CYB5A: variants seen among roughly 807,000 people sequenced by gnomAD.
CYB5A encodes the protein cytochrome b5 type A, also known as cytochrome b5.
CYB5A carries 10 observed loss-of-function variants against 16.2 expected under a neutral mutation model. That is an observed-to-expected ratio of 0.62 (90% CI 0.38 to 1.04). The LOEUF is 1.04. Among genes scored for constraint, CYB5A ranks in the 50% least tolerant of loss-of-function variants. The probability of loss-of-function intolerance (pLI) is 0.01; values close to 1 mark genes in which losing one functional copy is unlikely to be tolerated. For synonymous variants in CYB5A, 62 were observed against 57.0 expected (o/e 1.09, Z -0.40); for missense variants, 161 against 165.9 (o/e 0.97, Z 0.16).
intron 1 of CYB5A, among the ~76,000 whole-genome samples, chr18:74,268,163 G>T (rs1197211842): frequency 6.6e-6 from 1 of 152,254 alleles, no homozygotes; most frequent in Admixed American, 6.5e-5. Flanking sequence ...CCGGAGAGAT[G>T]AAACATGAAT....
At chr18:74,256,381 C>G in intron 3 of CYB5A, 1 of 180,730 alleles carries the variant, frequency 5.5e-6, no homozygotes, top group Non-Finnish European at 1.2e-5. Flanking sequence ...CCCGGCGTCA[C>G]ACTTGTCACC....
intron 1 of CYB5A, among the ~76,000 whole-genome samples, chr18:74,278,438 T>C (rs1319714247): frequency 1.3e-5 from 2 of 152,234 alleles, no homozygotes; most frequent in East Asian, 1.9e-4. Context: ...CATTTTATAT[T>C]GCCACAGAGA....
chr18:74,253,091 A>G lies in CYB5A; in HGVS notation c.*493T>C, dbSNP rs1219354519. On this transcript the variant is annotated 3_prime_UTR_variant, in exon 5 of 5. Transcript: ENST00000340533. ...TCTGGCCTTTCTTAATTTCCTTGAA[A>G]AAAAGAAACTATATCGGAAGCATAC... is the stretch of plus-strand genomic sequence containing the variant. 1 of 157,046 alleles carries G rather than the reference A, an allele frequency of 6.4e-6. No individual in the cohort carries two copies. The highest frequency in any genetic ancestry group is 1.4e-5 in the Non-Finnish European group (1 of 71,132). 9.7% of individuals were successfully genotyped at this position (157,046 alleles called of 1,614,324 possible). A position where few individuals can be genotyped will look rare whatever the true frequency, so the allele number is the denominator to read the frequency against.
chr18:74,290,051 AT>A (rs1158486577), intron 1 of CYB5A, among the ~76,000 whole-genome samples: 1 of 152,192 alleles, frequency 6.6e-6, no homozygotes, highest in Non-Finnish European at 1.5e-5. Flanking sequence ...GTATCTTAAA[AT>A]TCCACATTTA....
intron 1 of CYB5A, among the ~76,000 whole-genome samples, chr18:74,283,846 G>A (rs1253502525): frequency 6.6e-6 from 1 of 152,194 alleles, no homozygotes; most frequent in Non-Finnish European, 1.5e-5. Context: ...TGTGGGACTT[G>A]CTGAGCAAGC....
chr18:74,255,984 T>C, intron 3 of CYB5A: 1 of 561,522 alleles, frequency 1.8e-6, no homozygotes. Flanking sequence ...TATATTTACT[T>C]AAGGACATAA....
At chr18:74,275,861 G>A (rs1364765773) in intron 1 of CYB5A, among the ~76,000 whole-genome samples, 1 of 152,178 alleles carries the variant, frequency 6.6e-6, no homozygotes, top group Non-Finnish European at 1.5e-5. Context: ...GAAAAGGAGA[G>A]GCTTGAAGAA....
Position 74,253,061 on chromosome 18 carries a change from T to C in CYB5A, c.*523A>G, listed in dbSNP as rs181851875. On this transcript the variant is annotated 3_prime_UTR_variant, in exon 5 of 5. Transcript: ENST00000340533. ...ACAATTATTAGAAATCCTTAAACTA[T>C]AATTTCTGGCCTTTCTTAATTTCCT... is the stretch of plus-strand genomic sequence containing the variant. 39 of 159,166 alleles carry C rather than the reference T, an allele frequency of 2.5e-4. No individual in the cohort carries two copies. The highest frequency in any genetic ancestry group is 6.5e-3 in the Middle Eastern group (2 of 306). The allele number at this position is 159,166 out of a possible 1,614,324, so 9.9% of individuals were successfully genotyped here.
chr18:74,263,185 C>T (rs1390110618), intron 2 of CYB5A, among the ~76,000 whole-genome samples, 164 bp downstream of exon 2: 2 of 147,790 alleles, frequency 1.4e-5, no homozygotes, highest in African/African-American at 4.9e-5. Context: ...AATGCAAAGA[C>T]ATTTTTGGTC....
chr18:74,278,417 T>C (rs919009416), intron 1 of CYB5A, among the ~76,000 whole-genome samples: 3 of 152,206 alleles, frequency 2.0e-5, no homozygotes, highest in African/African-American at 7.2e-5. Context: ...CTTTTCCTTC[T>C]TCCTCATCCC....
At chr18:74,278,784 ATTC>A (rs1982978109) in intron 1 of CYB5A, among the ~76,000 whole-genome samples, 2 of 152,238 alleles carry the variant, frequency 1.3e-5, no homozygotes, top group Non-Finnish European at 1.5e-5. Context: ...GAGAAACAAA[ATTC>A]TTCTTAATTA....
chr18:74,264,977 G>C (rs1982378852), intron 1 of CYB5A, among the ~76,000 whole-genome samples: 1 of 152,000 alleles, frequency 6.6e-6, no homozygotes, highest in Admixed American at 6.6e-5. Flanking sequence ...CTTTAACTGA[G>C]CTTGAATGTT....
intron 1 of CYB5A, among the ~76,000 whole-genome samples, chr18:74,275,316 C>G (rs1982828046): frequency 6.6e-6 from 1 of 152,164 alleles, no homozygotes; most frequent in Non-Finnish European, 1.5e-5. Context: ...TGGTTAAACT[C>G]TGGCTCATGG....
chr18:74,280,219 A>G (rs1599263671), intron 1 of CYB5A, among the ~76,000 whole-genome samples: 1 of 152,150 alleles, frequency 6.6e-6, no homozygotes, highest in African/African-American at 2.4e-5. Context: ...AATGGATCAC[A>G]TTTCTACTAC....
At chr18:74,256,042 C>T (rs1981965344) in intron 3 of CYB5A, 2 of 441,110 alleles carry the variant, frequency 4.5e-6, no homozygotes, top group South Asian at 5.0e-5. Context: ...CATAAAATAT[C>T]TTGCACACGC....
chr18:74,261,020 G>T, intron 2 of CYB5A, 76 bp from the exon 3 acceptor site: 3 of 1,128,592 alleles, frequency 2.7e-6, no homozygotes, highest in South Asian at 1.2e-5. Context: ...CTGACTTTGA[G>T]ACTTTTTAAA....
chr18:74,261,034 A>G, intron 2 of CYB5A, 90 bp from the exon 3 acceptor site: 1 of 982,350 alleles, frequency 1.0e-6, no homozygotes, highest in East Asian at 2.4e-5. Flanking sequence ...TTTTAAAATT[A>G]TAATTCAGTA....
In CYB5A at chr18:74,278,408, T is replaced by G. The variant is rs562110140; in HGVS notation, c.129+13339A>C. On this transcript the variant is annotated intron_variant, in intron 1 of 4. Transcript: ENST00000340533. ...AGATGTTCGAGAAAGATCAGTTCAC[T>G]TTTCCTTCTTCCTCATCCCCATTTT... 2.0e-5 allele frequency among the ~76,000 whole-genome samples: 3 copies of G among 152,336 alleles called. No individual in the cohort carries two copies. In the East Asian group the frequency reaches 5.8e-4, roughly 29 times the overall value.
intron 1 of CYB5A, among the ~76,000 whole-genome samples, chr18:74,265,763 G>A (rs552508723): frequency 6.6e-6 from 1 of 152,302 alleles, no homozygotes; most frequent in African/African-American, 2.4e-5. Flanking sequence ...CACATCTCAT[G>A]GCGAGAGAGG....
Sources: allele counts gnomAD v4.1 joint callset (sites outside exome capture counted in the v4.1 genomes callset), GRCh38; gene constraint gnomAD v4.1.1; transcripts MANE v1.5; gene names NCBI Gene and HGNC (gene_info 2026-07-23, HGNC 2026-07-21).